The following COL6A3 variants were observed in gnomAD, a reference collection of about 807,000 sequenced individuals.
COL6A3 encodes collagen type VI alpha 3 chain.
COL6A3 carries 137 observed loss-of-function variants against 274.1 expected under a neutral mutation model. The ratio of observed to expected loss-of-function variants is 0.50; its 90% CI spans 0.44 to 0.58. COL6A3 has a LOEUF of 0.58. Among genes scored for constraint, COL6A3 ranks in the 20% least tolerant of loss-of-function variants. The pLI is 0.00. For missense variants in COL6A3, 3,950 were observed against 4,124.9 expected, an observed-to-expected ratio of 0.96 and a Z score of 1.16; for synonymous variants, 1,650 against 1,650.6, an observed-to-expected ratio of 1.00 and a Z score of 0.01.
At chr2:237,359,320 G>A in intron 18 of COL6A3, 42 bp downstream of exon 18, 1 of 1,614,040 alleles carries the variant, frequency 6.2e-7, no homozygotes, top group Non-Finnish European at 8.5e-7. Flanking sequence ...GAGAAATACT[G>A]GGAGAGTTTT....
intron 42 of COL6A3, chr2:237,329,716 T>C (rs1208918742): frequency 1.3e-5 from 2 of 152,230 alleles, no homozygotes; most frequent in Admixed American, 1.3e-4. Flanking sequence ...GTATCCAATA[T>C]AAGAGCTCTT....
rs1280559414 is a variant in COL6A3 at position 237,338,014 on chromosome 2, A to G, written c.8567+1001T>C. On this transcript the variant is annotated intron_variant, in intron 39 of 43. Coordinates refer to ENST00000295550, the MANE Select transcript of COL6A3 (RefSeq NM_004369.4). ...TATCCAATCCTTCTTTTACGTAATC[A>G]TTTCACACCAGATACGGTAAATTGT... Among the ~76,000 whole-genome samples the G allele has an allele frequency of 3.9e-5, 6 of 152,186 alleles. No individual in the cohort carries two copies. In the East Asian group the frequency reaches 9.6e-4, roughly 24 times the overall value.
Position 237,374,926 on chromosome 2 carries a change from C to T in COL6A3, c.3165G>A (p.Val1055=), listed in dbSNP as rs764970483. The change falls in exon 8 of 44, where the codon GTG becomes GTA. Residue 1055 remains valine, a synonymous_variant. Coordinates refer to ENST00000295550, the MANE Select transcript of COL6A3 (RefSeq NM_004369.4). The surrounding 1 kb of genome is among the most constrained non-coding windows in gnomAD (Gnocchi z 4.8). ...GGTCCTGGCCCACATCCAGGCTTTC[C>T]ACCACTCTCTGGACAAACTCTTTCA... ...PLLKEFVQRV[V]ESLDVGQDRV... 10 of 1,613,820 alleles carry T rather than the reference C, an allele frequency of 6.2e-6. No homozygotes were observed. Among genetic ancestry groups the T allele is most frequent in the Middle Eastern group, 1.6e-4 (1 of 6,084 alleles).
chr2:237,383,716 C>A (rs1383497576), intron 4 of COL6A3, among the ~76,000 whole-genome samples: 4 of 152,080 alleles, frequency 2.6e-5, no homozygotes, highest in African/African-American at 9.7e-5. Context: ...TTGTTATATT[C>A]TTCTTTATAA....
At chr2:237,333,376 C>G (rs1367266431) in intron 42 of COL6A3, 74 bp downstream of exon 42, 2 of 1,416,906 alleles carry the variant, frequency 1.4e-6, no homozygotes, top group Non-Finnish European at 2.0e-6. Flanking sequence ...GACTTAGAAC[C>G]CAGGAAGTTA....
At chr2:237,345,348 C>G in intron 32 of COL6A3, 135 bp from the exon 33 acceptor site, 1 of 798,194 alleles carries the variant, frequency 1.3e-6, no homozygotes, top group East Asian at 2.6e-5. Flanking sequence ...GCCTCTCCCT[C>G]TAAACCTGAT....
In COL6A3 at chr2:237,372,035, G is replaced by A. The variant is rs727503885; in HGVS notation, c.3982C>T (p.Leu1328=). 3.1e-6 allele frequency: 5 copies of A among 1,614,054 alleles called. No homozygotes were observed. Among genetic ancestry groups the A allele is most frequent in the Non-Finnish European group, 3.4e-6 (4 of 1,180,018 alleles). The change falls in exon 9 of 44, where the codon CTG becomes TTG. Residue 1328 remains leucine, a synonymous_variant. Transcript: ENST00000295550. ...YVSRNIFKRP[L]GSRIEEGVPQ... The stretch of plus-strand genomic sequence containing the variant: ...ACGCCCTCTTCAATGCGGCTCCCCA[G>A]GGGCCTCTTGAAGATGTTCCTGGAC...
chr2:237,414,037 C>A lies in COL6A3; in HGVS notation c.-115G>T, dbSNP rs539393683. 1.3e-5 allele frequency: 2 copies of A among 152,216 alleles called. No individual in the cohort carries two copies. Among genetic ancestry groups the A allele is most frequent in the African/African-American group, 4.8e-5 (2 of 41,458 alleles). The allele number at this position is 152,216 out of a possible 1,614,324, so 9.4% of individuals were successfully genotyped here. A position where few individuals can be genotyped will look rare whatever the true frequency, so the allele number is the denominator to read the frequency against. ...GGATGCATACTTTTCCCACTCACTGCGTCTCTTTTTCTTTTTGCAGCCTTT... is the reference window on the plus strand; with the variant it reads ...GGATGCATACTTTTCCCACTCACTGAGTCTCTTTTTCTTTTTGCAGCCTTT... On this transcript the variant is annotated 5_prime_UTR_variant, in exon 1 of 44. Coordinates refer to ENST00000295550, the MANE Select transcript of COL6A3 (RefSeq NM_004369.4).
At chr2:237,360,423 G>C (rs2077409794) in intron 16 of COL6A3, among the ~76,000 whole-genome samples, 1 of 152,130 alleles carries the variant, frequency 6.6e-6, no homozygotes, top group Admixed American at 6.5e-5. Flanking sequence ...GGGCAAGGGT[G>C]GGTGGCCCCC....
Position 237,396,856 on chromosome 2 carries a change from G to A in COL6A3, c.-30-9C>T, listed in dbSNP as rs1252166485. ...AAGCACCAAATATGAACCTAAAAGA[G>A]AAAACAGGGCAAAGGGAATGATCAG... On this transcript the variant is annotated splice_polypyrimidine_tract_variant and intron_variant, in intron 1 of 43. Coordinates refer to ENST00000295550, the MANE Select transcript of COL6A3 (RefSeq NM_004369.4). The A allele has an allele frequency of 6.3e-7, 1 of 1,581,586 alleles. No homozygotes were observed. Among genetic ancestry groups the A allele is most frequent in the East Asian group, 2.2e-5 (1 of 44,706 alleles).
At position 237,336,296 on chromosome 2, in the gene COL6A3, G is replaced by A. The variant is rs36020669; in HGVS notation, c.8804C>T (p.Ala2935Val). 4.2e-4 allele frequency: 685 copies of A among 1,613,126 alleles called. 4 individuals are homozygous for A. The highest frequency in any genetic ancestry group is 1.6e-3 in the East Asian group (71 of 44,864). The change falls in exon 40 of 44, where the codon GCG becomes GTG. Residue 2935 changes from alanine to valine, a missense_variant. By Grantham distance (64) the Ala-to-Val change is moderately conservative. This residue lies in a region of COL6A3 where 1,284 missense variants were observed against 1,349.7 expected (regional missense o/e 0.95). Coordinates refer to ENST00000295550, the MANE Select transcript of COL6A3 (RefSeq NM_004369.4). Reference protein sequence around the residue: ...TKMATVRPPVAVKPATAAKPV... With the variant: ...TKMATVRPPVVVKPATAAKPV... ...CTTCGCTGCCGTTGCTGGCTTCACC[G>A]CCACTGGGGGTCTAACAGTGGCCAT...
Position 237,364,529 on chromosome 2 carries a change from T to C in COL6A3, c.5839-101A>G. The C allele has an allele frequency of 1.1e-6, 1 of 932,572 alleles. No homozygotes were observed. The highest frequency in any genetic ancestry group is 1.7e-6 in the Non-Finnish European group (1 of 573,802). The allele number at this position is 932,572 out of a possible 1,614,324, so 57.8% of individuals were successfully genotyped here. On this transcript the variant is annotated intron_variant, in intron 12 of 43. Coordinates refer to ENST00000295550, the MANE Select transcript of COL6A3 (RefSeq NM_004369.4). The surrounding 1 kb of genome is among the most constrained non-coding windows in gnomAD (Gnocchi z 4.6). ...ACTCGCTGTCTCAAGCCCTTCATTT[T>C]ACACTTAAGGAAACTGAGGGCCCAA...
chr2:237,341,224 A>G, intron 37 of COL6A3, 74 bp from the exon 38 acceptor site: 1 of 1,395,862 alleles, frequency 7.2e-7, no homozygotes, highest in South Asian at 1.2e-5. Flanking sequence ...ATCTGCTGGG[A>G]GACTTGGGCG....
chr2:237,341,463 G>A (rs2201731), intron 37 of COL6A3, among the ~76,000 whole-genome samples: 1 of 140,566 alleles, frequency 7.1e-6, no homozygotes, highest in Admixed American at 7.5e-5. Context: ...AGAATCGCTT[G>A]AACCCAGGAA....
At chr2:237,403,818 C>T (rs1270479413) in intron 1 of COL6A3, among the ~76,000 whole-genome samples, 2 of 151,556 alleles carry the variant, frequency 1.3e-5, no homozygotes, top group African/African-American at 4.9e-5. Flanking sequence ...GTTGACCCTA[C>T]CCCCACCGTG....
intron 42 of COL6A3, chr2:237,329,071 T>G (rs920984316): frequency 6.6e-6 from 1 of 152,088 alleles, no homozygotes; most frequent in African/African-American, 2.4e-5. Flanking sequence ...ATTTACTTAT[T>G]TAGATACTGA....
chr2:237,410,300 C>CTTTTT (rs552676030), intron 1 of COL6A3, among the ~76,000 whole-genome samples: 70 of 126,116 alleles, frequency 5.6e-4, no homozygotes, highest in East Asian at 1.1e-3. Context: ...AATTTCTTTT[C>CTTTTT]TTTTTTTTTT....
rs539399125 is a variant in COL6A3, at chr2:237,348,855, C to T, written c.6880-192G>A. ...GTGTGAACAAGACCATTTCTGTAGGCGGTGGGCTCAAAGGACTCCCGTAGC... is the reference window on the plus strand; with the variant it reads ...GTGTGAACAAGACCATTTCTGTAGGTGGTGGGCTCAAAGGACTCCCGTAGC... On this transcript the variant is annotated intron_variant, in intron 28 of 43. Transcript: ENST00000295550. Among the ~76,000 whole-genome samples the T allele has an allele frequency of 1.1e-4, 16 of 152,254 alleles. No individual in the cohort carries two copies. The South Asian group carries it at 2.3e-3, about 22-fold the overall frequency.
intron 23 of COL6A3, 64 bp downstream of exon 23, chr2:237,357,274 G>A: frequency 7.1e-7 from 1 of 1,411,224 alleles, no homozygotes. Flanking sequence ...ACCAGGTCAT[G>A]TTGGGCAGAT....
Sources: allele counts gnomAD v4.1 joint callset (sites outside exome capture counted in the v4.1 genomes callset), GRCh38; gene constraint gnomAD v4.1.1; regional missense constraint gnomAD v4.1.1; non-coding constraint Gnocchi (gnomAD v3.1); transcripts MANE v1.5; gene names NCBI Gene and HGNC (gene_info 2026-07-23, HGNC 2026-07-21).